BLTP2: variants seen among roughly 807,000 people sequenced by gnomAD.
The protein encoded by BLTP2 is bridge-like lipid transfer protein family member 2.
the BLTP2 span, among the ~76,000 whole-genome samples, chr17:28,624,695 CTTTT>C: frequency 6.6e-6 from 1 of 152,044 alleles, no homozygotes; most frequent in Admixed American, 6.6e-5. Flanking sequence ...CATTTTATTT[CTTTT>C]TTCATTTCAT....
chr17:28,621,482 T>A, the BLTP2 span: 2 of 1,613,918 alleles, frequency 1.2e-6, no homozygotes, highest in Admixed American at 1.7e-5. Flanking sequence ...CTGCCGGTGC[T>A]CCTCGATATT....
chr17:28,616,974 C>T, the BLTP2 span: 1 of 1,613,742 alleles, frequency 6.2e-7, no homozygotes, highest in Non-Finnish European at 8.5e-7. The surrounding 1 kb of genome is among the most constrained non-coding windows in gnomAD (Gnocchi z 4.8). Context: ...CCCAGACTGG[C>T]AGGAGCTCTG....
the BLTP2 span, chr17:28,616,578 C>CT: frequency 1.9e-6 from 3 of 1,613,938 alleles, no homozygotes; most frequent in East Asian, 6.7e-5. The surrounding 1 kb of genome is among the most constrained non-coding windows in gnomAD (Gnocchi z 4.8). Context: ...TTTGGGGTTG[C>CT]TACCCTATTC....
the BLTP2 span, among the ~76,000 whole-genome samples, chr17:28,627,749 G>C: frequency 4.6e-5 from 7 of 151,710 alleles, no homozygotes; most frequent in East Asian, 1.2e-3. Flanking sequence ...CCACCTCCTG[G>C]GTTCAAGCGA....
chr17:28,631,558 T>C, the BLTP2 span: 12 of 1,614,000 alleles, frequency 7.4e-6, no homozygotes, highest in South Asian at 1.2e-4. Flanking sequence ...TACCAAGGGA[T>C]CAAGACAGTG....
the BLTP2 span, chr17:28,634,477 G>T: frequency 6.4e-7 from 1 of 1,572,478 alleles, no homozygotes; most frequent in Non-Finnish European, 8.6e-7. Context: ...GAGCTCAGCG[G>T]GCAAACACGG....
At chr17:28,617,355 A>G in the BLTP2 span, 1 of 1,505,238 alleles carries the variant, frequency 6.6e-7, no homozygotes, top group Admixed American at 1.7e-5. Flanking sequence ...ACTATAATAA[A>G]CCTTTCTCAG....
chr17:28,628,253 CCCCGAGCTTA>C, the BLTP2 span: 1 of 1,612,268 alleles, frequency 6.2e-7, no homozygotes, highest in Non-Finnish European at 8.5e-7. Flanking sequence ...AGTCTCATCT[CCCCGAGCTTA>C]CCTCCTGATG....
At chr17:28,639,402 C>G in the BLTP2 span, 3 of 1,613,642 alleles carry the variant, frequency 1.9e-6, no homozygotes, top group Non-Finnish European at 2.5e-6. Flanking sequence ...TTCCTGGTGC[C>G]GGTAGTGAAT....
At chr17:28,643,168 C>A in the BLTP2 span, 1 of 1,614,190 alleles carries the variant, frequency 6.2e-7, no homozygotes. Flanking sequence ...TCTCACTTGG[C>A]AGAAGATCTT....
chr17:28,616,984 G>A, the BLTP2 span: 1 of 1,612,934 alleles, frequency 6.2e-7, no homozygotes, highest in Non-Finnish European at 8.5e-7. This position sits in a 1 kb window ranked among gnomAD's most constrained non-coding sequence, Gnocchi z 4.8. Flanking sequence ...CAGGAGCTCT[G>A]GGGCCGCAGT....
the BLTP2 span, among the ~76,000 whole-genome samples, chr17:28,622,851 C>T: frequency 6.6e-6 from 1 of 152,038 alleles, no homozygotes; most frequent in Non-Finnish European, 1.5e-5. Context: ...CCGAGGCGGG[C>T]GGATCACGAG....
the BLTP2 span, chr17:28,615,555 G>T: frequency 1.5e-6 from 2 of 1,378,688 alleles, no homozygotes; most frequent in Non-Finnish European, 2.0e-6. Flanking sequence ...TCATGCACCT[G>T]CCCCTTCCCA....
the BLTP2 span, chr17:28,634,770 T>G: frequency 6.2e-7 from 1 of 1,614,062 alleles, no homozygotes; most frequent in Non-Finnish European, 8.5e-7. Flanking sequence ...TGTTTTTGCG[T>G]TCCAAAGAGG....
chr17:28,633,589 A>C, the BLTP2 span: 1 of 1,614,048 alleles, frequency 6.2e-7, no homozygotes. Flanking sequence ...TTCAATGTCC[A>C]TGTGCCAGTC....
At chr17:28,640,498 G>A in the BLTP2 span, 1 of 1,574,810 alleles carries the variant, frequency 6.3e-7, no homozygotes, top group Non-Finnish European at 8.7e-7. Flanking sequence ...GCTGGTTACA[G>A]AGATACCAAC....
the BLTP2 span, among the ~76,000 whole-genome samples, chr17:28,629,580 C>T: frequency 1.3e-5 from 2 of 152,164 alleles, no homozygotes; most frequent in Admixed American, 6.5e-5. Context: ...CGGGTTCAAG[C>T]GATTCTCCTG....
chr17:28,625,609 C>A, the BLTP2 span, among the ~76,000 whole-genome samples: 1 of 152,114 alleles, frequency 6.6e-6, no homozygotes, highest in Non-Finnish European at 1.5e-5. Flanking sequence ...ATTACTGTTA[C>A]CATCATGCCA....
chr17:28,638,578 T>C, the BLTP2 span: 1 of 1,613,818 alleles, frequency 6.2e-7, no homozygotes, highest in Non-Finnish European at 8.5e-7. Context: ...CCAAGTTGAA[T>C]GGAAATGTTG....
Sources: gnomAD v4.1 joint callset for allele counts (sites outside exome capture counted in the v4.1 genomes callset) on GRCh38, gnomAD v4.1.1 for gene constraint, Gnocchi (gnomAD v3.1) non-coding constraint, MANE v1.5 for transcripts, NCBI Gene and HGNC (gene_info 2026-07-23, HGNC 2026-07-21) for gene names.